Variants in BCAS4 observed in about 807,000 individuals in gnomAD.
BCAS4 encodes breast carcinoma amplified sequence 4, also known as breast carcinoma-amplified sequence 4.
Under a neutral mutation model 15.7 loss-of-function variants are expected in BCAS4, and 9 were observed. That is an observed-to-expected ratio of 0.57 (90% CI 0.34 to 1.00). The LOEUF (loss-of-function observed/expected upper bound fraction) is 1.00. Among genes scored for constraint, BCAS4 ranks in the 50% least tolerant of loss-of-function variants. The pLI is 0.02. For synonymous variants in BCAS4, 101 were observed against 99.5 expected, an observed-to-expected ratio of 1.02 and a Z score of -0.09; for missense variants, 225 against 239.1, an observed-to-expected ratio of 0.94 and a Z score of 0.39.
chr20:50,808,702 A>AT (rs756121746), intron 1 of BCAS4, among the ~76,000 whole-genome samples: 4 of 148,694 alleles, frequency 2.7e-5, no homozygotes, highest in Non-Finnish European at 6.0e-5. Flanking sequence ...TTTTGATGGG[A>AT]TTTTTTTTTT....
intron 4 of BCAS4, among the ~76,000 whole-genome samples, chr20:50,874,401 C>T (rs888919376): frequency 3.3e-5 from 5 of 152,174 alleles, no homozygotes; most frequent in African/African-American, 9.7e-5. Flanking sequence ...AGGTCCTACA[C>T]GGCTCAGCAC....
Position 50,876,766 on chromosome 20 carries a change from A to T in BCAS4, c.*158A>T, listed in dbSNP as rs966320308. ...ACTATGTTGTCCAGACTGATCTCAA[A>T]CTCCTGGGCTCAAGTGATCCACCCA... On this transcript the variant is annotated 3_prime_UTR_variant, in exon 5 of 5. Transcript: ENST00000371608. 6.3e-6 allele frequency: 6 copies of T among 954,602 alleles called. No homozygotes were observed. In the African/African-American group the frequency reaches 8.7e-5, roughly 14 times the overall value. 59.1% of individuals were successfully genotyped at this position (954,602 alleles called of 1,614,324 possible).
chr20:50,847,966 G>A (rs2088567145), intron 4 of BCAS4, among the ~76,000 whole-genome samples: 1 of 152,134 alleles, frequency 6.6e-6, no homozygotes. Context: ...TTGAGCACAG[G>A]AGGTCAAGGC....
intron 4 of BCAS4, among the ~76,000 whole-genome samples, chr20:50,874,421 C>G (rs1366380113): frequency 1.3e-5 from 2 of 152,216 alleles, no homozygotes; most frequent in African/African-American, 4.8e-5. Flanking sequence ...CCCGGAAACT[C>G]CCCCAACCCT....
At chr20:50,875,306 G>T (rs1378983355) in intron 4 of BCAS4, among the ~76,000 whole-genome samples, 1 of 152,206 alleles carries the variant, frequency 6.6e-6, no homozygotes, top group Non-Finnish European at 1.5e-5. Flanking sequence ...GCCAGCCAGC[G>T]CACAGTGAGC....
At chr20:50,847,102 G>A (rs1263922888) in intron 4 of BCAS4, among the ~76,000 whole-genome samples, 4 of 152,006 alleles carry the variant, frequency 2.6e-5, no homozygotes, top group African/African-American at 9.7e-5. Context: ...GGGATTCCGA[G>A]CATGGAGCGG....
chr20:50,806,693 T>G (rs1028845362), intron 1 of BCAS4, among the ~76,000 whole-genome samples: 19 of 151,730 alleles, frequency 1.3e-4, no homozygotes, highest in Non-Finnish European at 2.6e-4. Flanking sequence ...TTCTTAAATT[T>G]TATTATTATT....
At chr20:50,812,374 C>T (rs1330213486) in intron 1 of BCAS4, among the ~76,000 whole-genome samples, 3 of 148,198 alleles carry the variant, frequency 2.0e-5, no homozygotes. Flanking sequence ...ACGTTGTGAT[C>T]CGCCCCCCCT....
intron 2 of BCAS4, among the ~76,000 whole-genome samples, chr20:50,828,335 T>C (rs956724537): frequency 5.9e-5 from 9 of 151,668 alleles, no homozygotes; most frequent in African/African-American, 2.2e-4. Context: ...TACAGGGCAA[T>C]GGGGCAAAGG....
chr20:50,813,776 C>T (rs1328667568), intron 1 of BCAS4, among the ~76,000 whole-genome samples: 3 of 145,064 alleles, frequency 2.1e-5, no homozygotes, highest in Non-Finnish European at 4.5e-5. Context: ...TGCACTGCCA[C>T]TTTGTGAGAA....
intron 1 of BCAS4, among the ~76,000 whole-genome samples, chr20:50,808,059 C>T (rs2088015638): frequency 6.6e-6 from 1 of 152,110 alleles, no homozygotes; most frequent in Non-Finnish European, 1.5e-5. Flanking sequence ...AGGCGCCCGC[C>T]ACCATGCCCG....
At chr20:50,871,456 T>G (rs1194227061) in intron 4 of BCAS4, among the ~76,000 whole-genome samples, 2 of 152,240 alleles carry the variant, frequency 1.3e-5, no homozygotes, top group African/African-American at 4.8e-5. Flanking sequence ...CCTTACCTGC[T>G]GATTCAGGCG....
At chr20:50,796,368 C>CA (rs573554371) in intron 1 of BCAS4, among the ~76,000 whole-genome samples, 5,072 of 105,734 alleles carry the variant, frequency 0.048, 143 homozygotes, top group African/African-American at 0.083. Context: ...AACTCCCTCT[C>CA]AAAAAAAAAA....
intron 2 of BCAS4, among the ~76,000 whole-genome samples, chr20:50,827,935 T>C (rs1002006598): frequency 6.6e-6 from 1 of 152,190 alleles, no homozygotes; most frequent in Non-Finnish European, 1.5e-5. Flanking sequence ...CCATTTTGGC[T>C]GTGGCTAGTC....
At chr20:50,829,823 G>A (rs1410692605) in intron 2 of BCAS4, among the ~76,000 whole-genome samples, 1 of 151,928 alleles carries the variant, frequency 6.6e-6, no homozygotes, top group Non-Finnish European at 1.5e-5. Flanking sequence ...CCTGCGTGTC[G>A]GAAGCATCTG....
rs982834043 is a variant in BCAS4, at chr20:50,810,586, T to C, written c.91-7625T>C. On this transcript the variant is annotated intron_variant, in intron 1 of 4. Coordinates refer to ENST00000371608, the MANE Select transcript of BCAS4 (RefSeq NM_198799.4). ...GAGAAAAATAGTATGTTATTTTTTT[T>C]GTGTTTTTTTTTTTTTTTTGAGACG... Among the ~76,000 whole-genome samples, 74 of 137,924 alleles carry C rather than the reference T, an allele frequency of 5.4e-4. 1 individual carries two copies. Among genetic ancestry groups the C allele is most frequent in the African/African-American group, 2.1e-3 (71 of 34,046 alleles). 90.5% of individuals were successfully genotyped at this position (137,924 alleles called of 152,430 possible). A position where few individuals can be genotyped will look rare whatever the true frequency, so the allele number is the denominator to read the frequency against.
chr20:50,798,703 G>A (rs998895846), intron 1 of BCAS4, among the ~76,000 whole-genome samples: 4 of 152,122 alleles, frequency 2.6e-5, no homozygotes, highest in Non-Finnish European at 5.9e-5. Flanking sequence ...CATGAGACGC[G>A]TGGCTGCCAT....
At chr20:50,810,089 T>G (rs2088041697) in intron 1 of BCAS4, among the ~76,000 whole-genome samples, 1 of 151,974 alleles carries the variant, frequency 6.6e-6, no homozygotes, top group South Asian at 2.1e-4. Context: ...TGGATGCCCT[T>G]TATTTCTTTC....
chr20:50,806,632 C>A (rs532634199), intron 1 of BCAS4, among the ~76,000 whole-genome samples: 39 of 152,276 alleles, frequency 2.6e-4, no homozygotes, highest in African/African-American at 8.2e-4. Flanking sequence ...CTCTCAACCT[C>A]TAGAGCCTCG....
Sources: gnomAD v4.1 joint callset for allele counts (sites outside exome capture counted in the v4.1 genomes callset) on GRCh38, gnomAD v4.1.1 for gene constraint, MANE v1.5 for transcripts, NCBI Gene and HGNC (gene_info 2026-07-23, HGNC 2026-07-21) for gene names.